MLIP: variants seen among roughly 807,000 people sequenced by gnomAD.
MLIP encodes the protein muscular LMNA-interacting protein.
MLIP carries 79 observed loss-of-function variants against 84.8 expected under a neutral mutation model. That is an observed-to-expected ratio of 0.93 (90% CI 0.78 to 1.12). The LOEUF is 1.12. Among genes scored for constraint, MLIP ranks in the 50% most tolerant of loss-of-function variants. MLIP has a pLI of 0.00. For synonymous variants in MLIP, 504 were observed against 463.0 expected (o/e 1.09, Z -1.14); for missense variants, 1,257 against 1,160.6 (o/e 1.08, Z -1.21).
chr6:54,026,864 G>T (rs1051708692), intron 1 of MLIP, among the ~76,000 whole-genome samples: 1 of 152,116 alleles, frequency 6.6e-6, no homozygotes, highest in African/African-American at 2.4e-5. Flanking sequence ...AGTTAAAGTT[G>T]TGCTTGTATG....
At chr6:54,178,047 C>T (rs1318237888) in intron 9 of MLIP, among the ~76,000 whole-genome samples, 1 of 151,870 alleles carries the variant, frequency 6.6e-6, no homozygotes, top group African/African-American at 2.4e-5. Context: ...ATTGGGGCCT[C>T]TCGGGAGGGT....
chr6:54,067,094 T>C lies in MLIP; in HGVS notation c.63+48003T>C, dbSNP rs560307957. On this transcript the variant is annotated intron_variant, in intron 1 of 12. Transcript: ENST00000274897. ...ACATGAAAATATTCGAGAAACCTTA[T>C]GAAATTCCAACATCTGTGTGGAAAA... 2.4e-4 allele frequency among the ~76,000 whole-genome samples: 24 copies of C among 101,046 alleles called. 3 individuals carry two copies. The highest frequency in any genetic ancestry group is 6.1e-4 in the African/African-American group (24 of 39,462). 66.3% of individuals were successfully genotyped at this position (101,046 alleles called of 152,430 possible).
At chr6:54,112,539 A>T (rs1769555294) in intron 1 of MLIP, among the ~76,000 whole-genome samples, 1 of 152,204 alleles carries the variant, frequency 6.6e-6, no homozygotes, top group Non-Finnish European at 1.5e-5. Flanking sequence ...ATGTATGTGG[A>T]CAGGAATTTA....
intron 9 of MLIP, among the ~76,000 whole-genome samples, chr6:54,187,768 T>C (rs1777534940): frequency 6.6e-6 from 1 of 152,154 alleles, no homozygotes; most frequent in Admixed American, 6.5e-5. Context: ...CTAGGTGATT[T>C]CATCATTATG....
At chr6:54,196,971 A>G (rs1778342732) in intron 10 of MLIP, among the ~76,000 whole-genome samples, 2 of 152,134 alleles carry the variant, frequency 1.3e-5, no homozygotes, top group African/African-American at 4.8e-5. Context: ...AAACTGAAAA[A>G]GAAGGAATAA....
At chr6:54,070,245 C>T (rs1269475367) in intron 1 of MLIP, among the ~76,000 whole-genome samples, 1 of 152,132 alleles carries the variant, frequency 6.6e-6, no homozygotes, top group African/African-American at 2.4e-5. Context: ...TTGTTATTCT[C>T]CTTCAATTTT....
chr6:54,046,667 T>C (rs1216321176), intron 1 of MLIP: 1 of 152,204 alleles, frequency 6.6e-6, no homozygotes, highest in Admixed American at 6.5e-5. Flanking sequence ...CATTCTTTTG[T>C]TGAGTTCTTC....
At chr6:54,180,093 T>C (rs886701015) in intron 9 of MLIP, among the ~76,000 whole-genome samples, 2 of 152,102 alleles carry the variant, frequency 1.3e-5, no homozygotes, top group Non-Finnish European at 2.9e-5. Flanking sequence ...AACTTTTTTG[T>C]TGTTGTTGTT....
At chr6:54,238,644 T>C (rs952495882) in intron 12 of MLIP, among the ~76,000 whole-genome samples, 10 of 152,182 alleles carry the variant, frequency 6.6e-5, no homozygotes, top group Non-Finnish European at 1.3e-4. Context: ...TCAGGATGAC[T>C]TTTCTGATCT....
At chr6:54,247,131 A>G (rs1219930730) in intron 12 of MLIP, among the ~76,000 whole-genome samples, 1 of 152,154 alleles carries the variant, frequency 6.6e-6, no homozygotes, top group African/African-American at 2.4e-5. Flanking sequence ...TAATCATCCC[A>G]TATTTGAATG....
chr6:54,152,535 T>G (rs1773559450), intron 5 of MLIP, among the ~76,000 whole-genome samples: 1 of 152,086 alleles, frequency 6.6e-6, no homozygotes, highest in Non-Finnish European at 1.5e-5. Context: ...TCCTGAGACT[T>G]ACTCATTATC....
At chr6:54,227,277 A>G (rs1480142904) in intron 11 of MLIP, among the ~76,000 whole-genome samples, 1 of 152,146 alleles carries the variant, frequency 6.6e-6, no homozygotes, top group African/African-American at 2.4e-5. Context: ...ACTGAGTCTC[A>G]GATAGTTCTT....
At chr6:54,046,594 T>C (rs891244719) in intron 1 of MLIP, 1 of 152,218 alleles carries the variant, frequency 6.6e-6, no homozygotes, top group African/African-American at 2.4e-5. Context: ...ATTTAAATAA[T>C]ACACTATTAT....
At chr6:54,215,475 C>T (rs1014291316) in intron 11 of MLIP, 2 of 1,051,142 alleles carry the variant, frequency 1.9e-6, no homozygotes, top group Non-Finnish European at 2.4e-6. Flanking sequence ...ATCTTTATTG[C>T]AGTATAATTG....
At chr6:54,176,553 C>A (rs1562019360) in intron 9 of MLIP, among the ~76,000 whole-genome samples, 2 of 151,678 alleles carry the variant, frequency 1.3e-5, no homozygotes, top group Admixed American at 1.3e-4. Flanking sequence ...TACTAATAAT[C>A]CTTTAAATTT....
chr6:54,231,866 A>G (rs1781028214), intron 12 of MLIP, among the ~76,000 whole-genome samples: 1 of 152,196 alleles, frequency 6.6e-6, no homozygotes, highest in East Asian at 1.9e-4. Context: ...AAAAATGTCA[A>G]TAAACCCTGT....
intron 1 of MLIP, among the ~76,000 whole-genome samples, chr6:54,063,047 C>CA (rs1002983623): frequency 6.0e-5 from 9 of 150,418 alleles, no homozygotes; most frequent in Admixed American, 1.3e-4. Context: ...ACTAAAAATA[C>CA]AAAAAAAAAT....
At chr6:54,181,330 C>A (rs916776130) in intron 9 of MLIP, among the ~76,000 whole-genome samples, 1 of 152,114 alleles carries the variant, frequency 6.6e-6, no homozygotes, top group African/African-American at 2.4e-5. Context: ...TGCTGGGCCA[C>A]CACTGATGTT....
intron 11 of MLIP, among the ~76,000 whole-genome samples, chr6:54,214,820 A>C (rs1175502010): frequency 6.6e-6 from 1 of 152,180 alleles, no homozygotes; most frequent in Non-Finnish European, 1.5e-5. Flanking sequence ...AAACTAGAAA[A>C]CATTTATGAG....
Sources: allele counts gnomAD v4.1 joint callset (sites outside exome capture counted in the v4.1 genomes callset), GRCh38; gene constraint gnomAD v4.1.1; transcripts MANE v1.5; gene names NCBI Gene and HGNC (gene_info 2026-07-23, HGNC 2026-07-21).